The following AFAP1L1 variants were observed in gnomAD, a reference collection of about 807,000 sequenced individuals.
The protein encoded by AFAP1L1 is actin filament associated protein 1 like 1, also known as actin filament-associated protein 1-like 1.
Under a neutral mutation model 99.8 loss-of-function variants are expected in AFAP1L1, and 77 were observed. The observed-to-expected ratio is 0.77, with a 90% confidence interval of 0.64 to 0.93. The LOEUF (loss-of-function observed/expected upper bound fraction) is 0.93, where lower values mean the gene tolerates loss of function less well. Among genes scored for constraint, AFAP1L1 ranks in the 40% least tolerant of loss-of-function variants. The pLI is 0.00. For missense variants in AFAP1L1, 893 were observed against 996.8 expected (o/e 0.90, Z 1.40); for synonymous variants, 373 against 395.3 (o/e 0.94, Z 0.67).
intron 3 of AFAP1L1, among the ~76,000 whole-genome samples, 157 bp downstream of exon 3, chr5:149,300,511 GTC>G (rs1356896540): frequency 6.6e-6 from 1 of 152,228 alleles, no homozygotes; most frequent in Non-Finnish European, 1.5e-5. Flanking sequence ...AGCTCTGAAA[GTC>G]TAATCAAAGT....
At chr5:149,306,159 G>A (rs998747051) in intron 5 of AFAP1L1, 147 bp from the exon 6 acceptor site, 6 of 595,268 alleles carry the variant, frequency 1.0e-5, no homozygotes, top group Middle Eastern at 4.1e-4. Context: ...GATGCAGAGA[G>A]GAGGCCTCAC....
In AFAP1L1 at chr5:149,307,427, C is replaced by T. The variant is rs745640217; in HGVS notation, c.561C>T (p.Ser187=). 3.7e-6 allele frequency: 6 copies of T among 1,614,162 alleles called. No homozygotes were observed. Among genetic ancestry groups the T allele is most frequent in the Non-Finnish European group, 5.1e-6 (6 of 1,180,034 alleles). ...SSYNDSDAMS[S]SYESYDEEEE... ...ATAATGACTCTGACGCAATGAGCAG[C>T]TCCTATGAGTCCTACGATGAAGAGG... Residue 187 remains serine (S), a synonymous_variant, in exon 7 of 19, where the codon AGC becomes AGT. Coordinates refer to ENST00000296721, the MANE Select transcript of AFAP1L1 (RefSeq NM_152406.4).
At chr5:149,286,706 G>T (rs1207365977) in intron 1 of AFAP1L1, among the ~76,000 whole-genome samples, 1 of 152,144 alleles carries the variant, frequency 6.6e-6, no homozygotes, top group African/African-American at 2.4e-5. Flanking sequence ...AGTATACAGG[G>T]TGCTCCTGCT....
At chr5:149,315,676 A>G in intron 9 of AFAP1L1, 145 bp from the exon 10 acceptor site, 2 of 681,098 alleles carry the variant, frequency 2.9e-6, no homozygotes, top group African/African-American at 1.8e-5. Context: ...CTGGTATGGT[A>G]TGAGGCACAG....
intron 1 of AFAP1L1, among the ~76,000 whole-genome samples, chr5:149,280,773 T>C (rs547129229): frequency 6.6e-6 from 1 of 152,330 alleles, no homozygotes; most frequent in South Asian, 2.1e-4. Flanking sequence ...TTGTACAAAA[T>C]GGACCTTCGG....
intron 13 of AFAP1L1, 26 bp downstream of exon 13, chr5:149,319,753 C>A (rs1394930729): frequency 6.1e-5 from 98 of 1,608,718 alleles, no homozygotes; most frequent in Non-Finnish European, 7.8e-5. Flanking sequence ...ACTGGCCACA[C>A]CTGCCCAGGA....
intron 15 of AFAP1L1, among the ~76,000 whole-genome samples, chr5:149,327,445 A>T (rs1296144599): frequency 6.6e-6 from 1 of 152,138 alleles, no homozygotes; most frequent in Non-Finnish European, 1.5e-5. Flanking sequence ...ACTAGACTGT[A>T]CACTACAGTA....
chr5:149,273,544 G>A (rs958455416), intron 1 of AFAP1L1, among the ~76,000 whole-genome samples: 5 of 152,248 alleles, frequency 3.3e-5, no homozygotes, highest in Middle Eastern at 3.4e-3. Context: ...TTCAGGGACT[G>A]GGAAGGGCAG....
intron 1 of AFAP1L1, among the ~76,000 whole-genome samples, chr5:149,274,773 A>C (rs1755257579): frequency 6.6e-6 from 1 of 151,432 alleles, no homozygotes; most frequent in Non-Finnish European, 1.5e-5. Flanking sequence ...CAGCTACTCG[A>C]GAGGCTGCGA....
At chr5:149,317,135 A>G (rs1419559336) in intron 11 of AFAP1L1, among the ~76,000 whole-genome samples, 3 of 152,260 alleles carry the variant, frequency 2.0e-5, no homozygotes, top group African/African-American at 7.2e-5. Context: ...ACTGTATTCC[A>G]GCCTGGCTGA....
intron 1 of AFAP1L1, among the ~76,000 whole-genome samples, chr5:149,283,535 A>T (rs1424428741): frequency 6.6e-6 from 1 of 152,228 alleles, no homozygotes; most frequent in Non-Finnish European, 1.5e-5. Flanking sequence ...CATACCTTAC[A>T]ATTGACATCT....
intron 9 of AFAP1L1, chr5:149,312,425 G>C (rs1756664787): frequency 1.7e-6 from 1 of 594,890 alleles, no homozygotes; most frequent in Non-Finnish European, 3.1e-6. Flanking sequence ...GTACAAGCCA[G>C]AGGAGGGAGT....
Position 149,332,870 on chromosome 5 carries a change from T to G in AFAP1L1, c.2151T>G (p.Ser717Arg). The change falls in exon 17 of 19, where the codon AGT becomes AGG. Residue 717 changes from serine to arginine, a missense_variant. Physicochemically the swap from Ser to Arg is moderately radical, Grantham distance 110. Transcript: ENST00000296721. ...LGLSVSSKPK[S>R]GETANKPQNS... ...TCTCCGTGAGCAGCAAGCCCAAGAG[T>G]GGGGTGAGTCCAGGCCCTTCCATGC... 6.3e-7 allele frequency: 1 copy of G among 1,590,166 alleles called. No homozygotes were observed.
chr5:149,280,405 C>A (rs762478841), intron 1 of AFAP1L1, among the ~76,000 whole-genome samples: 1 of 152,170 alleles, frequency 6.6e-6, no homozygotes, highest in East Asian at 1.9e-4. Flanking sequence ...AGAATCACCC[C>A]CTGTGGAGCC....
chr5:149,307,626 C>T lies in AFAP1L1; in HGVS notation c.747+13C>T. On this transcript the variant is annotated intron_variant, in intron 7 of 18. Transcript: ENST00000296721. ...GGACCAGCTCCTGGTGAGTGGTCAG[C>T]AGCAGCCATGTGCCTCGGCCTCACA... 1.2e-6 allele frequency: 2 copies of T among 1,611,296 alleles called. No individual in the cohort carries two copies. The highest frequency in any genetic ancestry group is 1.1e-5 in the South Asian group (1 of 90,892).
At position 149,338,555 on chromosome 5, in the gene AFAP1L1, C is replaced by T. The variant is rs1355148921; in HGVS notation, c.2284-1452C>T. ...AGCCTAAGAGGGAAGAGTCTTTATT[C>T]TTTCCTACAGTTAGTCATTAAACAA... On this transcript the variant is annotated intron_variant, in intron 18 of 18. Transcript: ENST00000296721. 2.0e-5 allele frequency among the ~76,000 whole-genome samples: 3 copies of T among 152,172 alleles called. No homozygotes were observed. In the South Asian group the frequency reaches 6.2e-4, roughly 31 times the overall value.
chr5:149,322,235 T>C (rs1217005578), intron 14 of AFAP1L1, among the ~76,000 whole-genome samples: 2 of 152,206 alleles, frequency 1.3e-5, no homozygotes, highest in Non-Finnish European at 2.9e-5. Context: ...ACTTTTCTTC[T>C]TGAGGGAAGA....
intron 11 of AFAP1L1, among the ~76,000 whole-genome samples, chr5:149,317,450 G>GT (rs1055740716): frequency 4.6e-5 from 7 of 152,150 alleles, no homozygotes; most frequent in Admixed American, 3.9e-4. Context: ...AAAGAGTTGT[G>GT]TTTTTTATAC....
intron 1 of AFAP1L1, among the ~76,000 whole-genome samples, chr5:149,288,551 C>T (rs1481609040): frequency 2.0e-5 from 3 of 152,188 alleles, no homozygotes; most frequent in Non-Finnish European, 2.9e-5. Flanking sequence ...CGGTGCAGGA[C>T]GCTGGATGCG....
Sources: gnomAD v4.1 joint callset for allele counts (sites outside exome capture counted in the v4.1 genomes callset) on GRCh38, gnomAD v4.1.1 for gene constraint, MANE v1.5 for transcripts, NCBI Gene and HGNC (gene_info 2026-07-23, HGNC 2026-07-21) for gene names.